Variants in SATB2 observed in about 807,000 individuals in gnomAD.
The protein encoded by SATB2 is SATB homeobox 2.
Under a neutral mutation model 73.4 loss-of-function variants are expected in SATB2, and 1 was observed. The observed-to-expected ratio is 0.01, with a 90% CI of 0.00 to 0.06. SATB2 has a LOEUF of 0.06. Among genes scored for constraint, SATB2 ranks in the 10% least tolerant of loss-of-function variants. The pLI, the probability that SATB2 is intolerant of heterozygous loss-of-function variation, is 1.00. For synonymous variants in SATB2, 397 were observed against 367.0 expected, an observed-to-expected ratio of 1.08 and a Z score of -0.93; for missense variants, 459 against 945.8, an observed-to-expected ratio of 0.49 and a Z score of 6.75.
intron 7 of SATB2, among the ~76,000 whole-genome samples, chr2:199,337,875 G>T (rs1688382013): frequency 6.6e-6 from 1 of 152,108 alleles, no homozygotes; most frequent in African/African-American, 2.4e-5. Context: ...TTCAATAAAT[G>T]ACCATGAAAG....
intron 10 of SATB2, among the ~76,000 whole-genome samples, chr2:199,294,846 A>G (rs899309374): frequency 6.6e-6 from 1 of 152,222 alleles, no homozygotes; most frequent in Admixed American, 6.5e-5. Context: ...ACATATATTC[A>G]TCTTTAAGAG....
At chr2:199,339,491 C>T (rs139011581) in intron 7 of SATB2, among the ~76,000 whole-genome samples, 1 of 152,118 alleles carries the variant, frequency 6.6e-6, no homozygotes, top group Non-Finnish European at 1.5e-5. Flanking sequence ...AACTCAATAA[C>T]GGGTTCATGC....
At chr2:199,289,927 ACT>A (rs2105740256) in intron 10 of SATB2, among the ~76,000 whole-genome samples, 1 of 152,266 alleles carries the variant, frequency 6.6e-6, no homozygotes, top group African/African-American at 2.4e-5. Context: ...TGCCTGAATT[ACT>A]CTGACTTCCT....
chr2:199,286,021 T>A (rs1420405398), intron 10 of SATB2, among the ~76,000 whole-genome samples: 1 of 152,110 alleles, frequency 6.6e-6, no homozygotes, highest in East Asian at 1.9e-4. Context: ...CAATAGGCTG[T>A]TAAACTTGGG....
chr2:199,304,641 TG>T (rs1323526775), intron 10 of SATB2, among the ~76,000 whole-genome samples: 4 of 152,180 alleles, frequency 2.6e-5, no homozygotes, highest in Non-Finnish European at 5.9e-5. Context: ...CTCACCACCC[TG>T]GGGCAATGCT....
At chr2:199,401,497 G>A (rs1407252718) in intron 3 of SATB2, among the ~76,000 whole-genome samples, 9 of 151,054 alleles carry the variant, frequency 6.0e-5, no homozygotes, top group African/African-American at 2.2e-4. Context: ...AGGTTGCAGT[G>A]AGCTGAGACG....
At chr2:199,392,805 T>C (rs1690186239) in intron 3 of SATB2, among the ~76,000 whole-genome samples, 2 of 152,144 alleles carry the variant, frequency 1.3e-5, no homozygotes, top group Non-Finnish European at 1.5e-5. Flanking sequence ...TAAAATAACA[T>C]GAGTTAAAGT....
chr2:199,327,168 G>A (rs1458790433), intron 8 of SATB2, among the ~76,000 whole-genome samples: 3 of 152,124 alleles, frequency 2.0e-5, no homozygotes, highest in South Asian at 2.1e-4. Flanking sequence ...GGTCGGGCAC[G>A]GTGGCTCATG....
Position 199,409,886 on chromosome 2 carries a change from G to A in SATB2, c.346+23452C>T, listed in dbSNP as rs115983226. Among the ~76,000 whole-genome samples, 1,310 of 152,236 alleles carry A rather than the reference G, an allele frequency of 8.6e-3. 18 individuals carry two copies. Among genetic ancestry groups the A allele is most frequent in the African/African-American group, 0.029 (1,209 of 41,548 alleles). On this transcript the variant is annotated intron_variant, in intron 3 of 10. Coordinates refer to ENST00000417098, the MANE Select transcript of SATB2 (RefSeq NM_001172509.2). ...TTCCAGCTCATCTTCACAATGTAAT[G>A]ATACTCCTGCTAAGTCTGGATTTAA...
intron 2 of SATB2, among the ~76,000 whole-genome samples, chr2:199,434,967 T>A (rs970854118): frequency 2.0e-5 from 3 of 152,198 alleles, no homozygotes; most frequent in Admixed American, 2.0e-4. Context: ...TTAAATATAA[T>A]CCTTATTAAC....
chr2:199,423,054 CA>C (rs1221950935), intron 3 of SATB2, among the ~76,000 whole-genome samples: 1 of 152,126 alleles, frequency 6.6e-6, no homozygotes, highest in East Asian at 1.9e-4. Context: ...AAAACATATT[CA>C]AAACCTGTCA....
At chr2:199,357,191 C>T (rs778518837) in intron 6 of SATB2, among the ~76,000 whole-genome samples, 1 of 152,184 alleles carries the variant, frequency 6.6e-6, no homozygotes, top group African/African-American at 2.4e-5. Context: ...ATAAGTTTCA[C>T]TTTGTATTTG....
At position 199,288,277 on chromosome 2, in the gene SATB2, GACC is replaced by G. The variant is rs1172548117; in HGVS notation, c.1741-15608_1741-15606del. On this transcript the variant is annotated intron_variant, in intron 10 of 10. Coordinates refer to ENST00000417098, the MANE Select transcript of SATB2 (RefSeq NM_001172509.2). ...CAAAATTTGCTAGCACATAAAGAGAGACCCTTCCTGACAAACCTCAGCCAAGAA... is the reference window on the plus strand; with the variant it reads ...CAAAATTTGCTAGCACATAAAGAGAGCTTCCTGACAAACCTCAGCCAAGAA... Among the ~76,000 whole-genome samples the G allele has an allele frequency of 4.6e-5, 7 of 152,274 alleles. No homozygotes were observed. The South Asian group carries it at 1.4e-3, about 32-fold the overall frequency.
chr2:199,411,411 G>A (rs1008509114), intron 3 of SATB2, among the ~76,000 whole-genome samples: 3 of 152,072 alleles, frequency 2.0e-5, no homozygotes, highest in Non-Finnish European at 2.9e-5. Context: ...ACCACTAAAT[G>A]ACTATTGCTC....
rs536470707 is a variant in SATB2, at chr2:199,315,844, A to G, written c.1543-6887T>C. Among the ~76,000 whole-genome samples the G allele has an allele frequency of 1.2e-3, 186 of 152,166 alleles. 1 individual carries two copies. Among genetic ancestry groups the G allele is most frequent in the Non-Finnish European group, 2.2e-3 (148 of 68,002 alleles). ...TTATTCCCCTTGATATGACTAACAC[A>G]AAGCTAATGAGTTACTTCACCTACT... On this transcript the variant is annotated intron_variant, in intron 9 of 10. Transcript: ENST00000417098.
chr2:199,321,490 ATG>A (rs1453298462), intron 9 of SATB2, among the ~76,000 whole-genome samples: 2 of 151,398 alleles, frequency 1.3e-5, no homozygotes, highest in African/African-American at 2.4e-5. Flanking sequence ...ACATGTATAT[ATG>A]TGTATATACA....
rs1397322200 is a variant in SATB2 at position 199,434,749 on chromosome 2, TAGG to T, written c.170-1238_170-1236del. Reference sequence around the variant, plus strand: ...TATGGCCCCTGACACATAGAATGCATAGGAGTTTTCCAGAACCCCCTCCCTGTG... The same window carrying T: ...TATGGCCCCTGACACATAGAATGCATAGTTTTCCAGAACCCCCTCCCTGTG... On this transcript the variant is annotated intron_variant, in intron 2 of 10. Coordinates refer to ENST00000417098, the MANE Select transcript of SATB2 (RefSeq NM_001172509.2). 3.9e-5 allele frequency among the ~76,000 whole-genome samples: 6 copies of T among 152,210 alleles called. No homozygotes were observed. The South Asian group carries it at 1.0e-3, about 26-fold the overall frequency.
intron 3 of SATB2, among the ~76,000 whole-genome samples, chr2:199,390,958 G>A (rs11897489): frequency 0.021 from 3,147 of 152,154 alleles, 108 homozygotes; most frequent in African/African-American, 0.071. Flanking sequence ...CAAAGAAAAC[G>A]TCACCATATA....
chr2:199,275,555 T>C (rs1391798806), intron 10 of SATB2, among the ~76,000 whole-genome samples: 1 of 152,072 alleles, frequency 6.6e-6, no homozygotes, highest in Non-Finnish European at 1.5e-5. Flanking sequence ...CTCCTCCGAA[T>C]TGGAAATTAC....
Sources: gnomAD v4.1 joint callset for allele counts (sites outside exome capture counted in the v4.1 genomes callset) on GRCh38, gnomAD v4.1.1 for gene constraint, MANE v1.5 for transcripts, NCBI Gene and HGNC (gene_info 2026-07-23, HGNC 2026-07-21) for gene names.